The following HHLA1 variants were observed in gnomAD, a reference collection of about 807,000 sequenced individuals.
The protein encoded by HHLA1 is HHLA1 neighbor of OC90.
In HHLA1, 72 loss-of-function variants were observed where a neutral mutation model predicts 69.9. The observed-to-expected ratio is 1.03, with a 90% confidence interval of 0.85 to 1.25. The LOEUF (loss-of-function observed/expected upper bound fraction) is 1.25. Ranked by LOEUF, HHLA1 falls within the 50% of genes most tolerant of loss-of-function variation. The pLI, the probability that HHLA1 is intolerant of heterozygous loss-of-function variation, is 0.00. For missense variants in HHLA1, 685 were observed against 642.2 expected (o/e 1.07, Z -0.72); for synonymous variants, 252 against 233.2 (o/e 1.08, Z -0.73).
rs572828644 is a variant in HHLA1 at position 132,096,358 on chromosome 8, A to G, written c.281-572T>C. ...TCCGGCACAACACAAATAATCCTGGACAATGGCCTCATCTCAAAATCTTTA... is the reference window on the plus strand; with the variant it reads ...TCCGGCACAACACAAATAATCCTGGGCAATGGCCTCATCTCAAAATCTTTA... On this transcript the variant is annotated intron_variant, in intron 5 of 16. Transcript: ENST00000414222. Among the ~76,000 whole-genome samples the G allele has an allele frequency of 2.0e-5, 3 of 152,358 alleles. No homozygotes were observed. The South Asian group carries it at 6.2e-4, about 32-fold the overall frequency.
chr8:132,101,176 G>A, intron 3 of HHLA1: 1 of 1,539,752 alleles, frequency 6.5e-7, no homozygotes, highest in Non-Finnish European at 8.8e-7. Flanking sequence ...AAGCCACAGA[G>A]TCTGAAAAAT....
chr8:132,086,016 G>A (rs1221834836), intron 10 of HHLA1, among the ~76,000 whole-genome samples: 1 of 152,120 alleles, frequency 6.6e-6, no homozygotes, highest in South Asian at 2.1e-4. Context: ...AAAACCAAAA[G>A]TGAAATTTGG....
chr8:132,101,318 A>G (rs1586735406), intron 3 of HHLA1: 2 of 1,543,038 alleles, frequency 1.3e-6, no homozygotes, highest in African/African-American at 1.4e-5. Flanking sequence ...CTGAAAGTAC[A>G]GCCTCAAACA....
rs1214201416 is a variant in HHLA1, at chr8:132,098,918, C to G, written c.244G>C (p.Glu82Gln). The change falls in exon 5 of 17, where the codon GAG (glutamate) becomes CAG (glutamine). Residue 82 changes from glutamate (E) to glutamine (Q), a missense_variant. Coordinates refer to ENST00000414222, the MANE Select transcript of HHLA1 (RefSeq NM_001145095.3). ...CTACTGAGCATCCCATTCACAAGCTCTGTCAGGTTAAGCGCGGACAGATCG... is the reference window on the plus strand; with the variant it reads ...CTACTGAGCATCCCATTCACAAGCTGTGTCAGGTTAAGCGCGGACAGATCG... ...SIDLSALNLT[E>Q]LVNGMLSRAL... 1.9e-6 allele frequency: 3 copies of G among 1,551,506 alleles called. No homozygotes were observed. The South Asian group carries it at 3.6e-5, about 18-fold the overall frequency.
At chr8:132,105,356 G>A (rs71526236) in intron 1 of HHLA1, 70 bp from the exon 2 acceptor site, 228,795 of 936,122 alleles carry the variant, frequency 0.24, 29,421 homozygotes, top group East Asian at 0.26. Flanking sequence ...AGAACAGTGC[G>A]TGAGGAATCA....
At position 132,095,760 on chromosome 8, in the gene HHLA1, T is replaced by C. The variant is rs1824015558; in HGVS notation, c.307A>G (p.Ser103Gly). The change falls in exon 6 of 17, where the codon AGT becomes GGT. Residue 103 changes from serine to glycine, a missense_variant. By Grantham distance (56) the Ser-to-Gly change is moderately conservative. Coordinates refer to ENST00000414222, the MANE Select transcript of HHLA1 (RefSeq NM_001145095.3). ...GCGAAGGAACTGTAGGAAGTGACACTCAGCAAGGAGAAGAACTTCTTGCTA... is the reference window on the plus strand; with the variant it reads ...GCGAAGGAACTGTAGGAAGTGACACCCAGCAAGGAGAAGAACTTCTTGCTA... ...KDSKKFFSLL[S>G]VTSYSSFAFH... 1.3e-6 allele frequency: 2 copies of C among 1,551,006 alleles called. No individual in the cohort carries two copies. Among genetic ancestry groups the C allele is most frequent in the African/African-American group, 2.7e-5 (2 of 73,054 alleles).
intron 11 of HHLA1, among the ~76,000 whole-genome samples, chr8:132,079,216 G>C (rs967748385): frequency 6.6e-6 from 1 of 152,208 alleles, no homozygotes; most frequent in Middle Eastern, 3.2e-3. Context: ...TTTCCCACTG[G>C]TGTTAAGTCA....
In HHLA1 at chr8:132,062,904, G is replaced by A. The variant is rs1378846942; in HGVS notation, c.*1091C>T. ...GTGTCTCTTGTACCTGGGGCTTCGTGCCATGACAGATAGTTTATGTTAACA... is the reference window on the plus strand; with the variant it reads ...GTGTCTCTTGTACCTGGGGCTTCGTACCATGACAGATAGTTTATGTTAACA... On this transcript the variant is annotated 3_prime_UTR_variant, in exon 17 of 17. Coordinates refer to ENST00000414222, the MANE Select transcript of HHLA1 (RefSeq NM_001145095.3). 1.3e-5 allele frequency: 2 copies of A among 152,184 alleles called. No individual in the cohort carries two copies. The highest frequency in any genetic ancestry group is 4.8e-5 in the African/African-American group (2 of 41,434). The allele number at this position is 152,184 out of a possible 1,614,324, so 9.4% of individuals were successfully genotyped here. A position where few individuals can be genotyped will look rare whatever the true frequency, so the allele number is the denominator to read the frequency against.
At position 132,087,759 on chromosome 8, in the gene HHLA1, A is replaced by G. The variant is rs962152907; in HGVS notation, c.590-20T>C. 1 of 1,547,172 alleles carries G rather than the reference A, an allele frequency of 6.5e-7. No homozygotes were observed. Among genetic ancestry groups the G allele is most frequent in the African/African-American group, 1.4e-5 (1 of 73,076 alleles). On this transcript the variant is annotated intron_variant, in intron 9 of 16. Transcript: ENST00000414222. ...TCCTTCCTGCAAAAATCACACCAAC[A>G]GGGTCAGATCTTGGGTTTCATCTGC... is the stretch of plus-strand genomic sequence containing the variant.
intron 5 of HHLA1, among the ~76,000 whole-genome samples, chr8:132,097,302 G>A (rs1236380106): frequency 2.0e-5 from 3 of 152,194 alleles, no homozygotes; most frequent in East Asian, 1.9e-4. Context: ...TCCAGAGCAG[G>A]AACCTGGGGA....
intron 13 of HHLA1, 129 bp from the exon 14 acceptor site, chr8:132,076,258 A>G (rs1823638158): frequency 1.3e-6 from 1 of 792,084 alleles, no homozygotes. Context: ...ATAGCCAAAA[A>G]AGGGGAAGTG....
intron 2 of HHLA1, 52 bp from the exon 3 acceptor site, chr8:132,104,219 G>T: frequency 7.6e-7 from 1 of 1,310,158 alleles, no homozygotes; most frequent in Non-Finnish European, 1.1e-6. Context: ...CATAATACCG[G>T]AGATAATTTG....
At chr8:132,087,071 C>T (rs1371731539) in intron 10 of HHLA1, among the ~76,000 whole-genome samples, 2 of 152,100 alleles carry the variant, frequency 1.3e-5, no homozygotes, top group East Asian at 3.9e-4. Flanking sequence ...TGTTATGGGA[C>T]CGTAGAAGAC....
rs1823645717 is a variant in HHLA1 at position 132,076,498 on chromosome 8, G to T, written c.1217C>A (p.Thr406Lys). The T allele has an allele frequency of 1.3e-6, 2 of 1,539,744 alleles. No individual in the cohort carries two copies. The highest frequency in any genetic ancestry group is 1.7e-6 in the Non-Finnish European group (2 of 1,143,226). ...ACCTGTTTGTGGATATCTGGGGGCT[G>T]TTGCCTTGGTTGGACTCGGAGTCTG... is the stretch of plus-strand genomic sequence containing the variant. ...GTQTPSPTKATAPRYPQTGDL... is the reference protein window; with the variant it reads ...GTQTPSPTKAKAPRYPQTGDL... Residue 406 changes from threonine to lysine, a missense_variant, in exon 13 of 17, where the codon ACA becomes AAA. Physicochemically the swap from Thr to Lys is moderately conservative, Grantham distance 78. Coordinates refer to ENST00000414222, the MANE Select transcript of HHLA1 (RefSeq NM_001145095.3).
At position 132,071,474 on chromosome 8, in the gene HHLA1, G is replaced by A. The variant is rs1192412428; in HGVS notation, c.1335C>T (p.Phe445=). The A allele has an allele frequency of 6.4e-7, 1 of 1,551,436 alleles. No individual in the cohort carries two copies. Among genetic ancestry groups the A allele is most frequent in the East Asian group, 2.4e-5 (1 of 40,930 alleles). The change falls in exon 15 of 17, where the codon TTC becomes TTT. Residue 445 remains phenylalanine (F), a synonymous_variant. Transcript: ENST00000414222. ...HQVSRCPQPL[F]KVGAMAAAPL... ...GAGCAGCTGCCATAGCTCCCACCTTGAAGAGTGGCTGAGGACACCCTAGAA... is the reference window on the plus strand; with the variant it reads ...GAGCAGCTGCCATAGCTCCCACCTTAAAGAGTGGCTGAGGACACCCTAGAA...
intron 12 of HHLA1, among the ~76,000 whole-genome samples, chr8:132,077,178 C>T (rs1043931413): frequency 7.9e-5 from 12 of 152,004 alleles, no homozygotes; most frequent in Admixed American, 2.0e-4. Flanking sequence ...GAGAAACAGC[C>T]GAGGCACAGG....
Position 132,098,945 on chromosome 8 carries a change from T to C in HHLA1, c.217A>G (p.Ile73Val), listed in dbSNP as rs752776910. 11 of 1,550,824 alleles carry C rather than the reference T, an allele frequency of 7.1e-6. No individual in the cohort carries two copies. Among genetic ancestry groups the C allele is most frequent in the Middle Eastern group, 1.7e-4 (1 of 5,988 alleles). Residue 73 changes from isoleucine to valine, a missense_variant, in exon 5 of 17, where the codon ATC (isoleucine) becomes GTC (valine). Transcript: ENST00000414222. ...GTCAGGTTAAGCGCGGACAGATCGA[T>C]TGACCTTGCGGGCAGCTCTGAAAGA... ...LATTELPARSIDLSALNLTEL... is the reference protein window; with the variant it reads ...LATTELPARSVDLSALNLTEL...
chr8:132,081,151 CA>C (rs56128608), intron 10 of HHLA1: 140,578 of 152,136 alleles, frequency 0.92, 65,121 homozygotes, highest in Middle Eastern at 0.95. Context: ...TGATGGCTTG[CA>C]AAAAAACAGT....
intron 14 of HHLA1, among the ~76,000 whole-genome samples, chr8:132,071,935 T>C (rs1194678815): frequency 6.6e-6 from 1 of 152,028 alleles, no homozygotes; most frequent in Non-Finnish European, 1.5e-5. Context: ...TGTGTGCATG[T>C]GTGTGTATAT....
Sources: gnomAD v4.1 joint callset for allele counts (sites outside exome capture counted in the v4.1 genomes callset) on GRCh38, gnomAD v4.1.1 for gene constraint, MANE v1.5 for transcripts, NCBI Gene and HGNC (gene_info 2026-07-23, HGNC 2026-07-21) for gene names.